Variants in HPD observed in about 807,000 individuals in gnomAD.
The protein encoded by HPD is 4-hydroxyphenylpyruvic acid oxidase.
HPD carries 35 observed loss-of-function variants against 56.9 expected under a neutral mutation model. That is an observed-to-expected ratio of 0.62 (90% CI 0.47 to 0.82). The LOEUF (loss-of-function observed/expected upper bound fraction) is 0.82, where lower values mean the gene tolerates loss of function less well. Among genes scored for constraint, HPD ranks in the 40% least tolerant of loss-of-function variants. The probability of loss-of-function intolerance (pLI) is 0.00; values close to 1 mark genes in which losing one functional copy is unlikely to be tolerated. For synonymous variants in HPD, 186 were observed against 200.2 expected, an observed-to-expected ratio of 0.93 and a Z score of 0.60; for missense variants, 442 against 506.8, an observed-to-expected ratio of 0.87 and a Z score of 1.23.
At chr12:121,851,710 T>TA (rs1877784220) in intron 7 of HPD, among the ~76,000 whole-genome samples, 1 of 11,158 alleles carries the variant, frequency 9.0e-5, no homozygotes. Context: ...TTTTTTTTTT[T>TA]TTTTTTTTTT....
At chr12:121,885,187 G>A in the HPD span, among the ~76,000 whole-genome samples, 1 of 150,802 alleles carries the variant, frequency 6.6e-6, no homozygotes, top group African/African-American at 2.5e-5. Flanking sequence ...CACCATGCCC[G>A]GCCTTACATA....
At chr12:121,850,870 T>G (rs888180188) in intron 7 of HPD, among the ~76,000 whole-genome samples, 1 of 150,608 alleles carries the variant, frequency 6.6e-6, no homozygotes, top group Non-Finnish European at 1.5e-5. Context: ...GGCTAATTTT[T>G]TTTTTTTTTT....
rs572420297 is a variant in HPD at position 121,850,472 on chromosome 12, CTTTTTTT to C, written c.415-689_415-683del. On this transcript the variant is annotated intron_variant, in intron 7 of 13. Coordinates refer to ENST00000289004, the MANE Select transcript of HPD (RefSeq NM_002150.3). ...GAGTTCTGTCAGCCACTTTAACCAT[CTTTTTTT>C]TTTTTTTTTTTTAAGGCGGAGTCTC... Among the ~76,000 whole-genome samples, 659 of 120,162 alleles carry C rather than the reference CTTTTTTT, an allele frequency of 5.5e-3. 4 individuals are homozygous for C. The highest frequency in any genetic ancestry group is 0.021 in the Middle Eastern group (4 of 190). 78.8% of individuals were successfully genotyped at this position (120,162 alleles called of 152,430 possible). A position where few individuals can be genotyped will look rare whatever the true frequency, so the allele number is the denominator to read the frequency against.
chr12:121,847,156 T>C lies in HPD; in HGVS notation c.655A>G (p.Thr219Ala), dbSNP rs986138605. Residue 219 changes from threonine to alanine, a missense_variant, in exon 10 of 14, where the codon ACG (threonine) becomes GCG (alanine). By Grantham distance (58) the Thr-to-Ala change is moderately conservative. Coordinates refer to ENST00000289004, the MANE Select transcript of HPD (RefSeq NM_002150.3). ...FWSVDDTQVH[T>A]EYSSLRSIVV... Reference sequence around the variant, plus strand: ...ATGGATCGCAGAGAGCTATATTCCGTGTGCACCTGCGTGTCATCCACGGAC... The same window carrying C: ...ATGGATCGCAGAGAGCTATATTCCGCGTGCACCTGCGTGTCATCCACGGAC... The C allele has an allele frequency of 4.3e-6, 7 of 1,614,114 alleles. No individual in the cohort carries two copies. Among genetic ancestry groups the C allele is most frequent in the Non-Finnish European group, 5.9e-6 (7 of 1,180,018 alleles).
chr12:121,839,582 G>A lies in HPD; in HGVS notation c.*146C>T. On this transcript the variant is annotated 3_prime_UTR_variant, in exon 14 of 14. Transcript: ENST00000289004. ...CTGGAGCAGAGGGCGGCCCCGCCGA[G>A]GGGCGTGGTCAGTGTGGGCGGAGCC... 3.0e-6 allele frequency: 2 copies of A among 675,460 alleles called. No individual in the cohort carries two copies. Among genetic ancestry groups the A allele is most frequent in the Admixed American group, 2.3e-5 (1 of 44,100 alleles). 41.8% of individuals were successfully genotyped at this position (675,460 alleles called of 1,614,324 possible).
At position 121,856,972 on chromosome 12, in the gene HPD, A is replaced by G. The variant is rs546437338; in HGVS notation, c.199-347T>C. The G allele has an allele frequency of 9.8e-5, 49 of 502,530 alleles. No individual in the cohort carries two copies. The South Asian group carries it at 9.8e-4, about 10-fold the overall frequency. The allele number at this position is 502,530 out of a possible 1,614,324, so 31.1% of individuals were successfully genotyped here. The stretch of plus-strand genomic sequence containing the variant: ...AGTGTTGGGCCAGGCTGAGGAGGAA[A>G]CGAAACTAGGAAGGGCCGTGTTGCA... On this transcript the variant is annotated intron_variant, in intron 4 of 13. Transcript: ENST00000289004.
chr12:121,841,238 G>A (rs1349426392), intron 12 of HPD, among the ~76,000 whole-genome samples: 1 of 151,186 alleles, frequency 6.6e-6, no homozygotes, highest in South Asian at 2.1e-4. Flanking sequence ...GCGTGGTGGC[G>A]GGCGCCTATA....
At chr12:121,885,624 A>C in the HPD span, among the ~76,000 whole-genome samples, 85 of 151,928 alleles carry the variant, frequency 5.6e-4, no homozygotes, top group Non-Finnish European at 9.0e-4. Context: ...AAATCAGGAA[A>C]TTTTCAGATA....
At chr12:121,883,682 C>CTT in the HPD span, among the ~76,000 whole-genome samples, 38,269 of 138,632 alleles carry the variant, frequency 0.28, 5,872 homozygotes, top group East Asian at 0.53. Flanking sequence ...TTCCTTCTTT[C>CTT]TTTTTTTTTT....
chr12:121,847,166 C>G lies in HPD; in HGVS notation c.645G>C (p.Thr215=), dbSNP rs376172254. The part of the protein sequence containing the change: ...QFHRFWSVDD[T]QVHTEYSSLR... ...GAGAGCTATATTCCGTGTGCACCTG[C>G]GTGTCATCCACGGACCAGAAGCGGT... is the stretch of plus-strand genomic sequence containing the variant. The change falls in exon 10 of 14, where the codon ACG becomes ACC. Residue 215 remains threonine, a synonymous_variant. Coordinates refer to ENST00000289004, the MANE Select transcript of HPD (RefSeq NM_002150.3). 5 of 1,614,154 alleles carry G rather than the reference C, an allele frequency of 3.1e-6. No individual in the cohort carries two copies. The highest frequency in any genetic ancestry group is 3.3e-5 in the Admixed American group (2 of 60,014).
At chr12:121,841,904 T>G (rs1402851742) in intron 12 of HPD, among the ~76,000 whole-genome samples, 2 of 151,984 alleles carry the variant, frequency 1.3e-5, no homozygotes, top group Non-Finnish European at 2.9e-5. Flanking sequence ...AGGCTGGTCT[T>G]GAACTCCTGA....
the HPD span, among the ~76,000 whole-genome samples, chr12:121,880,603 C>G: frequency 6.6e-6 from 1 of 152,144 alleles, no homozygotes; most frequent in South Asian, 2.1e-4. Flanking sequence ...GTTTAATGCT[C>G]TTTAACAATT....
At chr12:121,886,802 T>C in the HPD span, among the ~76,000 whole-genome samples, 7 of 152,220 alleles carry the variant, frequency 4.6e-5, no homozygotes, top group Non-Finnish European at 1.0e-4. Context: ...GTTGGCCCAA[T>C]AAGTCTTGTA....
intron 12 of HPD, among the ~76,000 whole-genome samples, chr12:121,840,467 AT>A (rs1411676099): frequency 6.6e-6 from 1 of 151,970 alleles, no homozygotes; most frequent in Non-Finnish European, 1.5e-5. Context: ...TGCCCGGCTA[AT>A]TTTTGTATTT....
the HPD span, among the ~76,000 whole-genome samples, chr12:121,870,061 A>G: frequency 6.6e-6 from 1 of 151,170 alleles, no homozygotes; most frequent in Non-Finnish European, 1.5e-5. Flanking sequence ...TACAGGCATG[A>G]ACCACCACAC....
chr12:121,879,487 C>G, the HPD span, among the ~76,000 whole-genome samples: 2 of 119,532 alleles, frequency 1.7e-5, no homozygotes, highest in African/African-American at 7.8e-5. Context: ...CTTCTGTTCT[C>G]TTCTCTTCTC....
At chr12:121,873,287 G>A in the HPD span, among the ~76,000 whole-genome samples, 5 of 152,262 alleles carry the variant, frequency 3.3e-5, no homozygotes, top group South Asian at 2.1e-4. Context: ...ACCTCCTATC[G>A]GATCTGCCTC....
chr12:121,864,073 C>CAAAAAAAAA (rs748278452), upstream of HPD, among the ~76,000 whole-genome samples: 622 of 67,216 alleles, frequency 9.3e-3, no homozygotes, highest in East Asian at 0.015. Flanking sequence ...ACTAAAAATA[C>CAAAAAAAAA]AAAAAAAAAA....
chr12:121,888,600 G>A, the HPD span: 2 of 507,380 alleles, frequency 3.9e-6, no homozygotes, highest in Non-Finnish European at 7.2e-6. Context: ...TAGCGTTGGT[G>A]TGCAATTGCG....
Sources: gnomAD v4.1 joint callset for allele counts (sites outside exome capture counted in the v4.1 genomes callset) on GRCh38, gnomAD v4.1.1 for gene constraint, MANE v1.5 for transcripts, NCBI Gene and HGNC (gene_info 2026-07-23, HGNC 2026-07-21) for gene names.